CDCA2: variants seen among roughly 807,000 people sequenced by gnomAD.
CDCA2 encodes the protein cell division cycle-associated protein 2.
In CDCA2, 44 loss-of-function variants were observed where a neutral mutation model predicts 67.0. That is an observed-to-expected ratio of 0.66 (90% confidence interval 0.52 to 0.84). The LOEUF is 0.84. CDCA2 is among the 40% of genes least tolerant of loss of function. CDCA2 has a pLI of 0.00. For missense variants in CDCA2, 1,253 were observed against 1,203.2 expected, an observed-to-expected ratio of 1.04 and a Z score of -0.61; for synonymous variants, 447 against 418.7, an observed-to-expected ratio of 1.07 and a Z score of -0.82.
chr8:25,504,914 T>C (rs974749966), intron 14 of CDCA2, among the ~76,000 whole-genome samples: 2 of 152,238 alleles, frequency 1.3e-5, no homozygotes, highest in Non-Finnish European at 2.9e-5. Context: ...CTAAGTCTTA[T>C]TTTCATTACA....
At chr8:25,476,024 T>G (rs1803334873) in intron 7 of CDCA2, among the ~76,000 whole-genome samples, 1 of 152,250 alleles carries the variant, frequency 6.6e-6, no homozygotes, top group Non-Finnish European at 1.5e-5. Context: ...TGTGTGGCAC[T>G]GTGCCAGTTG....
chr8:25,459,568 G>C (rs1478049458), intron 1 of CDCA2, 95 bp downstream of exon 1: 2 of 153,552 alleles, frequency 1.3e-5, no homozygotes, highest in African/African-American at 4.8e-5. Flanking sequence ...TAGTACTCCT[G>C]TCAGGAGCTG....
chr8:25,497,351 T>G (rs987345456), intron 13 of CDCA2, among the ~76,000 whole-genome samples: 1 of 152,046 alleles, frequency 6.6e-6, no homozygotes, highest in African/African-American at 2.4e-5. Flanking sequence ...AAAATATGTG[T>G]GTACACACAC....
At chr8:25,485,940 A>C (rs907780989) in intron 11 of CDCA2, 103 bp downstream of exon 11, 12 of 608,354 alleles carry the variant, frequency 2.0e-5, no homozygotes, top group Admixed American at 6.9e-5. Context: ...TTACCACAAC[A>C]TATACTTGGT....
At chr8:25,481,310 C>T (rs1212925051) in intron 8 of CDCA2, among the ~76,000 whole-genome samples, 1 of 150,968 alleles carries the variant, frequency 6.6e-6, no homozygotes, top group Non-Finnish European at 1.5e-5. Flanking sequence ...CTCAAAAAGA[C>T]TTAACATCTG....
rs775390660 is a variant in CDCA2 at position 25,507,634 on chromosome 8, TC to T, written c.2971del (p.Gln991SerfsTer19). On this transcript the variant is annotated frameshift_variant, in exon 15 of 15. Coordinates refer to ENST00000330560, the MANE Select transcript of CDCA2 (RefSeq NM_152562.4). LOFTEE classifies it low-confidence loss of function (END_TRUNC). ...TACACTTGCAAATACTAAAGCCACT[TC>T]CCAGTTCAAAGGCTACCGGAGAAGA... The part of the protein sequence containing the change: ...ISTLANTKAT[S>X]QFKGYRRRSS... The T allele has an allele frequency of 6.2e-7, 1 of 1,614,144 alleles. No individual in the cohort carries two copies. The highest frequency in any genetic ancestry group is 8.5e-7 in the Non-Finnish European group (1 of 1,180,010).
At chr8:25,469,667 A>AGT (rs1803071978) in intron 6 of CDCA2, among the ~76,000 whole-genome samples, 1 of 49,820 alleles carries the variant, frequency 2.0e-5, no homozygotes, top group Non-Finnish European at 4.8e-5. Context: ...GGATGCAGTT[A>AGT]ATATGAATAG....
At position 25,473,334 on chromosome 8, in the gene CDCA2, A is replaced by T. The variant is rs967041957; in HGVS notation, c.820+3354A>T. Among the ~76,000 whole-genome samples the T allele has an allele frequency of 5.3e-5, 8 of 152,322 alleles. No individual in the cohort carries two copies. The South Asian group carries it at 6.2e-4, about 12-fold the overall frequency. ...TATGTCCTTTATTGCGTTGAAGAAC[A>T]TTCTGTTCCTAGTCTGAGAATTTTT... On this transcript the variant is annotated intron_variant, in intron 7 of 14. Coordinates refer to ENST00000330560, the MANE Select transcript of CDCA2 (RefSeq NM_152562.4).
chr8:25,481,847 A>G (rs1803584257), intron 8 of CDCA2, among the ~76,000 whole-genome samples: 1 of 152,230 alleles, frequency 6.6e-6, no homozygotes, highest in African/African-American at 2.4e-5. Context: ...AAGTTAACTT[A>G]TTTTGCAATA....
intron 13 of CDCA2, among the ~76,000 whole-genome samples, chr8:25,502,841 A>G (rs1350294119): frequency 3.9e-5 from 6 of 152,154 alleles, no homozygotes; most frequent in Admixed American, 3.9e-4. Flanking sequence ...CAATTTATAA[A>G]CTGAATCCTG....
chr8:25,469,973 T>C lies in CDCA2; in HGVS notation c.813T>C (p.Thr271=), dbSNP rs1170550584. ...ESLPLSELTE[T]SNALKVADCV... is the part of the protein sequence containing the mutation. ...TTCCCCTTTCAGAGCTCACAGAGAC[T>C]TCAAATGGTAAGTAATCTTTTCTTA... The change falls in exon 7 of 15, where the codon ACT becomes ACC. Residue 271 remains threonine (T), a synonymous_variant. Transcript: ENST00000330560. 1.9e-6 allele frequency: 3 copies of C among 1,603,834 alleles called. No individual in the cohort carries two copies. Among genetic ancestry groups the C allele is most frequent in the African/African-American group, 2.7e-5 (2 of 74,740 alleles).
intron 13 of CDCA2, 125 bp from the exon 14 acceptor site, chr8:25,503,248 A>G: frequency 1.4e-6 from 1 of 707,772 alleles, no homozygotes; most frequent in East Asian, 2.7e-5. Context: ...GTGCCACTGC[A>G]CTCCAGCCTG....
At position 25,506,632 on chromosome 8, in the gene CDCA2, GTC is replaced by G; in HGVS notation, c.1970_1971del (p.Ser657Ter). On this transcript the variant is annotated frameshift_variant, in exon 15 of 15. Transcript: ENST00000330560. LOFTEE classifies it low-confidence loss of function (END_TRUNC). ...HMHQGYDKYD[V>X]SEFCSYIKSS... ...GCATCAAGGCTATGATAAATATGAT[GTC>G]TCTGAATTCTGCTCTTATATAAAAA... The G allele has an allele frequency of 1.2e-6, 2 of 1,613,504 alleles. No individual in the cohort carries two copies. The highest frequency in any genetic ancestry group is 1.7e-6 in the Non-Finnish European group (2 of 1,179,902).
chr8:25,506,491 C>T lies in CDCA2; in HGVS notation c.1844-19C>T. ...TTGTTACTTTTTAATTAGATTTAAACCTATTTACATGCCCATAGGTTATTT... is the reference window on the plus strand; with the variant it reads ...TTGTTACTTTTTAATTAGATTTAAATCTATTTACATGCCCATAGGTTATTT... On this transcript the variant is annotated intron_variant, in intron 14 of 14. Coordinates refer to ENST00000330560, the MANE Select transcript of CDCA2 (RefSeq NM_152562.4). 1 of 1,525,480 alleles carries T rather than the reference C, an allele frequency of 6.6e-7. No individual in the cohort carries two copies. Among genetic ancestry groups the T allele is most frequent in the Non-Finnish European group, 8.8e-7 (1 of 1,140,994 alleles). The allele number at this position is 1,525,480 out of a possible 1,614,324, so 94.5% of individuals were successfully genotyped here.
chr8:25,497,077 T>G (rs971871123), intron 13 of CDCA2, among the ~76,000 whole-genome samples: 7 of 152,128 alleles, frequency 4.6e-5, no homozygotes, highest in Non-Finnish European at 7.4e-5. Context: ...GTAGTTAAAT[T>G]TAGTCTTACA....
At chr8:25,466,101 C>T in intron 4 of CDCA2, 74 bp from the exon 5 acceptor site, 5 of 1,401,824 alleles carry the variant, frequency 3.6e-6, no homozygotes, top group Middle Eastern at 2.0e-4. Context: ...ATTTTGGATT[C>T]AATGGCTGTA....
rs1228086769 is a variant in CDCA2, at chr8:25,497,012, T to C, written c.1672-6361T>C. Among the ~76,000 whole-genome samples, 5 of 152,172 alleles carry C rather than the reference T, an allele frequency of 3.3e-5. No homozygotes were observed. The South Asian group carries it at 1.0e-3, about 32-fold the overall frequency. ...GTTACATATTATTTAGAAAAAAAACTCACTGGCCCTAAGCAAAATTTTGGG... is the reference window on the plus strand; with the variant it reads ...GTTACATATTATTTAGAAAAAAAACCCACTGGCCCTAAGCAAAATTTTGGG... On this transcript the variant is annotated intron_variant, in intron 13 of 14. Transcript: ENST00000330560.
intron 7 of CDCA2, chr8:25,472,047 A>G (rs1803174312): frequency 6.6e-6 from 1 of 152,158 alleles, no homozygotes; most frequent in Non-Finnish European, 1.5e-5. Context: ...GGGGGAGCTT[A>G]GGGGGACCTG....
intron 13 of CDCA2, among the ~76,000 whole-genome samples, chr8:25,501,252 GA>G (rs1804463862): frequency 6.6e-6 from 1 of 152,156 alleles, no homozygotes; most frequent in African/African-American, 2.4e-5. Flanking sequence ...TTTTTCCGTG[GA>G]ATGTTTTGTT....
Sources: gnomAD v4.1 joint callset for allele counts (sites outside exome capture counted in the v4.1 genomes callset) on GRCh38, gnomAD v4.1.1 for gene constraint, MANE v1.5 for transcripts, NCBI Gene and HGNC (gene_info 2026-07-23, HGNC 2026-07-21) for gene names.